Variants in MSH3 observed in about 807,000 individuals in gnomAD.
MSH3 encodes DNA mismatch repair protein Msh3.
In MSH3, 106 loss-of-function variants were observed where a neutral mutation model predicts 123.3. The observed-to-expected ratio is 0.86, with a 90% CI of 0.73 to 1.01. The LOEUF (loss-of-function observed/expected upper bound fraction) is 1.01, where lower values mean the gene tolerates loss of function less well. Ranked by LOEUF, MSH3 falls within the 50% of genes least tolerant of loss-of-function variation. The probability of loss-of-function intolerance (pLI) is 0.00; values close to 1 mark genes in which losing one functional copy is unlikely to be tolerated. For synonymous variants in MSH3, 515 were observed against 481.4 expected, an observed-to-expected ratio of 1.07 and a Z score of -0.91; for missense variants, 1,459 against 1,347.6, an observed-to-expected ratio of 1.08 and a Z score of -1.29.
intron 12 of MSH3, chr5:80,746,489 C>A: frequency 2.0e-6 from 1 of 500,518 alleles, no homozygotes; most frequent in Non-Finnish European, 4.0e-6. Context: ...TCAAGCAAAC[C>A]TTTGATGTCT....
chr5:80,676,904 A>G (rs1749853293), intron 7 of MSH3, among the ~76,000 whole-genome samples: 1 of 152,190 alleles, frequency 6.6e-6, no homozygotes, highest in East Asian at 1.9e-4. Flanking sequence ...AGAGTTAACC[A>G]TGTGTGCGAA....
chr5:80,660,361 A>C (rs1014913305), intron 2 of MSH3, among the ~76,000 whole-genome samples: 3 of 152,136 alleles, frequency 2.0e-5, no homozygotes, highest in Non-Finnish European at 2.9e-5. Context: ...CTATCATGGG[A>C]ATAGCATGGG....
At chr5:80,805,678 T>G (rs773789239) in intron 19 of MSH3, among the ~76,000 whole-genome samples, 25 of 139,736 alleles carry the variant, frequency 1.8e-4, no homozygotes, top group Non-Finnish European at 3.2e-4. Context: ...CAATGCAACC[T>G]CTGCCTCCAG....
In MSH3 at chr5:80,787,585, A is replaced by G. The variant is rs776124290; in HGVS notation, c.2456A>G (p.His819Arg). 2 of 1,613,338 alleles carry G rather than the reference A, an allele frequency of 1.2e-6. No homozygotes were observed. Among genetic ancestry groups the G allele is most frequent in the Admixed American group, 3.3e-5 (2 of 59,974 alleles). Residue 819 changes from histidine (H) to arginine (R), a missense_variant, in exon 18 of 24, where the codon CAC (histidine) becomes CGC (arginine). Coordinates refer to ENST00000265081, the MANE Select transcript of MSH3 (RefSeq NM_002439.5). Reference sequence around the variant, plus strand: ...CGTAGGAAATTCAGTGAACATTATCACTCCTTGTGTAAAGCAGTGCATCAC... The same window carrying G: ...CGTAGGAAATTCAGTGAACATTATCGCTCCTTGTGTAAAGCAGTGCATCAC... ...DFLEKFSEHYHSLCKAVHHLA... is the reference protein window; with the variant it reads ...DFLEKFSEHYRSLCKAVHHLA...
At chr5:80,861,395 A>G (rs981124882) in intron 21 of MSH3, among the ~76,000 whole-genome samples, 1 of 151,838 alleles carries the variant, frequency 6.6e-6, no homozygotes, top group Admixed American at 6.6e-5. Context: ...GGAGTTGGGT[A>G]TTTCCTTTCT....
At chr5:80,735,696 A>T (rs145442397) in intron 10 of MSH3, among the ~76,000 whole-genome samples, 1 of 151,936 alleles carries the variant, frequency 6.6e-6, no homozygotes. Context: ...ATCTCCAAAA[A>T]ACAAAACCAA....
At chr5:80,801,411 G>T (rs1303313719) in intron 19 of MSH3, among the ~76,000 whole-genome samples, 1 of 152,162 alleles carries the variant, frequency 6.6e-6, no homozygotes, top group Non-Finnish European at 1.5e-5. Context: ...AGTGCCTGAT[G>T]TACAACTTAT....
At chr5:80,820,423 A>G (rs1355180205) in intron 20 of MSH3, among the ~76,000 whole-genome samples, 1 of 152,210 alleles carries the variant, frequency 6.6e-6, no homozygotes, top group East Asian at 1.9e-4. Flanking sequence ...GTTACAGTTT[A>G]GGAAACAAAT....
In MSH3 at chr5:80,672,766, C is replaced by G. The variant is rs1283702618; in HGVS notation, c.935C>G (p.Thr312Ser). The G allele has an allele frequency of 6.2e-7, 1 of 1,613,942 alleles. No homozygotes were observed. The highest frequency in any genetic ancestry group is 8.5e-7 in the Non-Finnish European group (1 of 1,179,950). Residue 312 changes from threonine (T) to serine (S), a missense_variant, in exon 6 of 24, where the codon ACT becomes AGT. Coordinates refer to ENST00000265081, the MANE Select transcript of MSH3 (RefSeq NM_002439.5). Reference protein sequence around the residue: ...YKVGVVKQTETAALKAIGDNR... With the variant: ...YKVGVVKQTESAALKAIGDNR... ...GTGGGAGTTGTGAAGCAAACTGAAA[C>G]TGCAGCATTAAAGGCCATTGGAGAC...
At chr5:80,692,702 A>G (rs372793836) in intron 8 of MSH3, among the ~76,000 whole-genome samples, 14 of 137,646 alleles carry the variant, frequency 1.0e-4, no homozygotes, top group South Asian at 9.2e-4. Context: ...AAATATACAT[A>G]CACATGTATA....
intron 20 of MSH3, among the ~76,000 whole-genome samples, chr5:80,852,360 T>G (rs12518711): frequency 0.14 from 21,399 of 152,054 alleles, 1,542 homozygotes; most frequent in East Asian, 0.24. Flanking sequence ...CTGTATCCAG[T>G]GCTTGTGTAT....
intron 8 of MSH3, among the ~76,000 whole-genome samples, chr5:80,698,830 T>C (rs961195993): frequency 6.6e-6 from 1 of 152,088 alleles, no homozygotes; most frequent in East Asian, 1.9e-4. Context: ...ACGGATAGCA[T>C]TAGGAGATAT....
chr5:80,707,942 C>G (rs994286169), intron 8 of MSH3, among the ~76,000 whole-genome samples: 2 of 152,056 alleles, frequency 1.3e-5, no homozygotes, highest in Admixed American at 6.5e-5. Context: ...TTTTCATGTG[C>G]CTATTGGTTA....
At position 80,761,568 on chromosome 5, in the gene MSH3, G is replaced by C. The variant is rs370231558; in HGVS notation, c.1786G>C (p.Ala596Pro). 11 of 1,613,956 alleles carry C rather than the reference G, an allele frequency of 6.8e-6. No individual in the cohort carries two copies. The highest frequency in any genetic ancestry group is 9.3e-6 in the Non-Finnish European group (11 of 1,179,996). ...CAGGGAAATAAATGCCCGGCTTGAT[G>C]CTGTATCGGAAGTTCTCCATTCAGA... ...KLREINARLD[A>P]VSEVLHSESS... The change falls in exon 13 of 24, where the codon GCT becomes CCT. Residue 596 changes from alanine (A) to proline (P), a missense_variant. Physicochemically the swap from Ala to Pro is conservative, Grantham distance 27. Transcript: ENST00000265081.
intron 20 of MSH3, among the ~76,000 whole-genome samples, chr5:80,835,805 C>G (rs1306336155): frequency 6.6e-6 from 1 of 152,024 alleles, no homozygotes; most frequent in Non-Finnish European, 1.5e-5. Context: ...GTCCCAGCTA[C>G]TCGGGAGGCT....
At chr5:80,873,361 C>T (rs1746256052) in intron 23 of MSH3, 74 bp downstream of exon 23, 1 of 1,473,908 alleles carries the variant, frequency 6.8e-7, no homozygotes, top group African/African-American at 1.4e-5. Flanking sequence ...GAGGAGCGTC[C>T]TAAAAATGAA....
chr5:80,793,040 T>A (rs1744636517), intron 19 of MSH3, among the ~76,000 whole-genome samples, 196 bp downstream of exon 19: 1 of 152,266 alleles, frequency 6.6e-6, no homozygotes, highest in Admixed American at 6.5e-5. Flanking sequence ...ATAGGTTTAG[T>A]AACTAAAAGT....
At chr5:80,839,872 C>T (rs1181597484) in intron 20 of MSH3, among the ~76,000 whole-genome samples, 1 of 152,154 alleles carries the variant, frequency 6.6e-6, no homozygotes, top group Non-Finnish European at 1.5e-5. Context: ...CCCATTTCCT[C>T]CCAACCCCCT....
chr5:80,753,118 A>C (rs1393142114), intron 12 of MSH3, among the ~76,000 whole-genome samples: 1 of 152,202 alleles, frequency 6.6e-6, no homozygotes, highest in Non-Finnish European at 1.5e-5. Flanking sequence ...ATGTACTGCT[A>C]TTTGACCTTC....
Sources: gnomAD v4.1 joint callset for allele counts (sites outside exome capture counted in the v4.1 genomes callset) on GRCh38, gnomAD v4.1.1 for gene constraint, MANE v1.5 for transcripts, NCBI Gene and HGNC (gene_info 2026-07-23, HGNC 2026-07-21) for gene names.